The following HELB variants were observed in gnomAD, a reference collection of about 807,000 sequenced individuals.
HELB encodes the protein DNA 5'-3' helicase B.
Under a neutral mutation model 101.7 loss-of-function variants are expected in HELB, and 96 were observed. The ratio of observed to expected loss-of-function variants is 0.94; its 90% CI spans 0.80 to 1.12. The LOEUF (loss-of-function observed/expected upper bound fraction) is 1.12. HELB is among the 50% of genes most tolerant of loss of function. HELB has a pLI of 0.00. For synonymous variants in HELB, 437 were observed against 459.7 expected (o/e 0.95, Z 0.63); for missense variants, 1,210 against 1,291.9 (o/e 0.94, Z 0.97).
At chr12:66,324,427 G>T (rs28551050) in intron 10 of HELB, 20,478 of 415,378 alleles carry the variant, frequency 0.049, 1,726 homozygotes, top group African/African-American at 0.23. Flanking sequence ...ACTGGCCTCA[G>T]AAAATGAGTT....
At chr12:66,320,220 C>T (rs2053655122) in intron 7 of HELB, among the ~76,000 whole-genome samples, 1 of 151,886 alleles carries the variant, frequency 6.6e-6, no homozygotes, top group Non-Finnish European at 1.5e-5. Flanking sequence ...GTCAATGATA[C>T]AGGAATGTTT....
rs753370271 is a variant in HELB, at chr12:66,331,194, C to T, written c.2711C>T (p.Ala904Val). 5.9e-5 allele frequency: 95 copies of T among 1,611,478 alleles called. No individual in the cohort carries two copies. In the Admixed American group the frequency reaches 6.5e-4, roughly 11 times the overall value. The part of the protein sequence containing the change: ...EQTVVYVVGK[A>V]GRQHWQHVYT... Reference sequence around the variant, plus strand: ...ACAGTTGTCTATGTGGTGGGGAAGGCGGGCCGCCAGCACTGGCAGCATGTC... The same window carrying T: ...ACAGTTGTCTATGTGGTGGGGAAGGTGGGCCGCCAGCACTGGCAGCATGTC... The change falls in exon 12 of 13, where the codon GCG becomes GTG. Residue 904 changes from alanine (A) to valine (V), a missense_variant. Ala to Val is a moderately conservative substitution (Grantham distance 64, BLOSUM62 0). This residue lies in a region of HELB where 740 missense variants were observed against 728.8 expected (regional missense o/e 1.02). Coordinates refer to ENST00000247815, the MANE Select transcript of HELB (RefSeq NM_001370285.1).
rs778300701 is a variant in HELB, at chr12:66,331,559, G to A, written c.3076G>A (p.Asp1026Asn). The A allele has an allele frequency of 6.2e-7, 1 of 1,613,858 alleles. No homozygotes were observed. The highest frequency in any genetic ancestry group is 1.1e-5 in the South Asian group (1 of 91,086). The change falls in exon 12 of 13, where the codon GAT becomes AAT. Residue 1026 changes from aspartate to asparagine, a missense_variant. Coordinates refer to ENST00000247815, the MANE Select transcript of HELB (RefSeq NM_001370285.1). Reference protein sequence around the residue: ...RWQLSSPDGVDTDDDLPKSRA... With the variant: ...RWQLSSPDGVNTDDDLPKSRA... Reference sequence around the variant, plus strand: ...GCAATTATCTTCACCTGATGGAGTAGATACAGATGATGATTTACCAAAATC... The same window carrying A: ...GCAATTATCTTCACCTGATGGAGTAAATACAGATGATGATTTACCAAAATC...
downstream of HELB, chr12:66,338,845 A>G (rs2053894897): frequency 6.6e-6 from 1 of 152,178 alleles, no homozygotes; most frequent in Non-Finnish European, 1.5e-5. Flanking sequence ...AAATGTGGTC[A>G]TTTTACAAGA....
exon 14 of HELB, chr12:66,343,611 A>G (rs1381253690): frequency 1.3e-5 from 2 of 152,014 alleles, no homozygotes; most frequent in Admixed American, 1.3e-4. Context: ...TAAGTTTTGT[A>G]TTTCTTTTAT....
intron 11 of HELB, 57 bp from the exon 12 acceptor site, chr12:66,331,097 A>G: frequency 1.3e-6 from 2 of 1,527,310 alleles, no homozygotes; most frequent in Non-Finnish European, 1.8e-6. Context: ...CCTTGTCTGT[A>G]AACTGTCTGA....
chr12:66,324,004 T>A lies in HELB; in HGVS notation c.2319T>A (p.Val773=), dbSNP rs35536133. The A allele has an allele frequency of 0.031, 49,588 of 1,610,764 alleles. 3,097 individuals carry two copies. The highest frequency in any genetic ancestry group is 0.24 in the African/African-American group (17,920 of 74,638). The change falls in exon 10 of 13, where the codon GTT becomes GTA. Residue 773 remains valine (V), a synonymous_variant. Transcript: ENST00000247815. The part of the protein sequence containing the change: ...HLTKDHQSRL[V]FGIGDKICCT... The stretch of plus-strand genomic sequence containing the variant: ...CCAGAGACCATCAGAGTAGACTTGT[T>A]TTTGGAATTGGTGATAAAATTTGTT...
Position 66,331,306 on chromosome 12 carries a change from T to G in HELB, c.2823T>G (p.Phe941Leu), listed in dbSNP as rs769897180. 5 of 1,614,150 alleles carry G rather than the reference T, an allele frequency of 3.1e-6. No homozygotes were observed. The highest frequency in any genetic ancestry group is 4.2e-6 in the Non-Finnish European group (5 of 1,180,026). Residue 941 changes from phenylalanine to leucine, a missense_variant, in exon 12 of 13, where the codon TTT (phenylalanine) becomes TTG (leucine). By Grantham distance (22) the Phe-to-Leu change is conservative. This residue lies in a region of HELB where 740 missense variants were observed against 728.8 expected (regional missense o/e 1.02). Coordinates refer to ENST00000247815, the MANE Select transcript of HELB (RefSeq NM_001370285.1). ...QLRNAIMKNS[F>L]PRKTRLKHFL... ...GGAATGCCATTATGAAAAACAGTTTTCCTAGAAAAACTCGTTTGAAACATT... is the reference window on the plus strand; with the variant it reads ...GGAATGCCATTATGAAAAACAGTTTGCCTAGAAAAACTCGTTTGAAACATT...
At chr12:66,342,336 A>AT (rs2053923507), downstream of HELB, 3 of 144,818 alleles carry the variant, frequency 2.1e-5, no homozygotes, top group Admixed American at 2.0e-4. Context: ...GTATTTATGG[A>AT]TTTTAAATTC....
In HELB at chr12:66,322,038, T is replaced by C. The variant is rs115443995; in HGVS notation, c.2237+9T>C. On this transcript the variant is annotated intron_variant, in intron 8 of 12. Transcript: ENST00000247815. The stretch of plus-strand genomic sequence containing the variant: ...TTTATTGCATTTAGAAGGTAAAGCA[T>C]TTATAATATTTTAATGTTTTTAATC... 2.8e-3 allele frequency: 2,785 copies of C among 986,404 alleles called. 52 individuals are homozygous for C. In the African/African-American group the frequency reaches 0.036, roughly 13 times the overall value. 61.1% of individuals were successfully genotyped at this position (986,404 alleles called of 1,614,324 possible). A position where few individuals can be genotyped will look rare whatever the true frequency, so the allele number is the denominator to read the frequency against.
intron 4 of HELB, 64 bp downstream of exon 4, chr12:66,310,672 C>T (rs2053533940): frequency 6.8e-7 from 1 of 1,460,580 alleles, no homozygotes; most frequent in Non-Finnish European, 9.3e-7. Context: ...TGGCTCACGC[C>T]TGTAATCCCA....
Position 66,325,010 on chromosome 12 carries a change from A to T in HELB, c.2554A>T (p.Arg852Ter). The T allele has an allele frequency of 6.2e-7, 1 of 1,612,614 alleles. No homozygotes were observed. The highest frequency in any genetic ancestry group is 1.1e-5 in the South Asian group (1 of 91,012). ...NDVTDVTFGK[R>*]RSLTINNMAG... ...TGTAACTGATGTAACTTTTGGAAAG[A>T]GAAGATCTTTGACCATTAATAATAT... is the stretch of plus-strand genomic sequence containing the variant. The change falls in exon 11 of 13, where the codon AGA becomes TGA. Residue 852 changes from arginine to a stop codon, truncating the protein, a stop_gained. Coordinates refer to ENST00000247815, the MANE Select transcript of HELB (RefSeq NM_001370285.1). LOFTEE classifies it high-confidence loss of function.
intron 11 of HELB, among the ~76,000 whole-genome samples, chr12:66,326,151 T>C (rs2053734512): frequency 6.6e-6 from 1 of 152,222 alleles, no homozygotes; most frequent in African/African-American, 2.4e-5. Flanking sequence ...GCCCTTGAAT[T>C]CTCATCTGTT....
At chr12:66,333,904 A>G (rs1461930148) in intron 12 of HELB, among the ~76,000 whole-genome samples, 2 of 152,026 alleles carry the variant, frequency 1.3e-5, no homozygotes, top group Non-Finnish European at 2.9e-5. Context: ...TCATACCTGT[A>G]ATCCCAGCAC....
At chr12:66,315,155 A>T in intron 5 of HELB, 87 bp from the exon 6 acceptor site, 2 of 966,800 alleles carry the variant, frequency 2.1e-6, no homozygotes, top group African/African-American at 1.7e-5. Context: ...TAAGGTATTT[A>T]ACTTTAAACT....
At chr12:66,327,756 G>T (rs1434405637) in intron 11 of HELB, among the ~76,000 whole-genome samples, 1 of 152,006 alleles carries the variant, frequency 6.6e-6, no homozygotes, top group Non-Finnish European at 1.5e-5. Flanking sequence ...CTTAAATTTG[G>T]TGGGAAAGGG....
chr12:66,314,112 G>T lies in HELB; in HGVS notation c.1807G>T (p.Val603Phe), dbSNP rs2053574220. 6.2e-7 allele frequency: 1 copy of T among 1,613,754 alleles called. No homozygotes were observed. The highest frequency in any genetic ancestry group is 1.3e-5 in the African/African-American group (1 of 75,022). Reference sequence around the variant, plus strand: ...GGTATCTGTAGGAATCTTCAAATCGGTCTTAAATTTATTGTGTGAGCACTC... The same window carrying T: ...GGTATCTGTAGGAATCTTCAAATCGTTCTTAAATTTATTGTGTGAGCACTC... Reference protein sequence around the residue: ...SLVSVGIFKSVLNLLCEHSKL... With the variant: ...SLVSVGIFKSFLNLLCEHSKL... The change falls in exon 5 of 13, where the codon GTC becomes TTC. Residue 603 changes from valine to phenylalanine, a missense_variant. Physicochemically the swap from Val to Phe is conservative, Grantham distance 50. This residue lies in a region of HELB where 740 missense variants were observed against 728.8 expected (regional missense o/e 1.02). Coordinates refer to ENST00000247815, the MANE Select transcript of HELB (RefSeq NM_001370285.1).
intron 3 of HELB, among the ~76,000 whole-genome samples, chr12:66,309,070 T>A (rs2053510144): frequency 6.6e-6 from 1 of 152,186 alleles, no homozygotes; most frequent in Admixed American, 6.5e-5. Flanking sequence ...GAGGCAGATG[T>A]TAACTTCATG....
intron 4 of HELB, among the ~76,000 whole-genome samples, chr12:66,313,426 A>G (rs2053565725): frequency 6.6e-6 from 1 of 152,114 alleles, no homozygotes; most frequent in Non-Finnish European, 1.5e-5. Context: ...TAAAATATTG[A>G]ATGTTCTCTG....
Sources: gnomAD v4.1 joint callset for allele counts (sites outside exome capture counted in the v4.1 genomes callset) on GRCh38, gnomAD v4.1.1 for gene constraint, gnomAD v4.1.1 regional missense constraint, MANE v1.5 for transcripts, NCBI Gene and HGNC (gene_info 2026-07-23, HGNC 2026-07-21) for gene names.